ZBTB20: variants seen among roughly 807,000 people sequenced by gnomAD.
ZBTB20 encodes the protein zinc finger and BTB domain-containing protein 20.
Under a neutral mutation model 56.9 loss-of-function variants are expected in ZBTB20, and 9 were observed. The ratio of observed to expected loss-of-function variants is 0.16; its 90% CI spans 0.10 to 0.28. The LOEUF (loss-of-function observed/expected upper bound fraction) is 0.28. Among genes scored for constraint, ZBTB20 ranks in the 10% least tolerant of loss-of-function variants. The pLI is 1.00. For missense variants in ZBTB20, 655 were observed against 1,003.0 expected, an observed-to-expected ratio of 0.65 and a Z score of 4.69; for synonymous variants, 417 against 420.7, an observed-to-expected ratio of 0.99 and a Z score of 0.11.
At chr3:115,079,114 T>C (rs2082702387) in intron 1 of ZBTB20, among the ~76,000 whole-genome samples, 2 of 152,198 alleles carry the variant, frequency 1.3e-5, no homozygotes, top group South Asian at 4.1e-4. Flanking sequence ...TAAACTTATT[T>C]ACAAGTTAGT....
intron 6 of ZBTB20, among the ~76,000 whole-genome samples, chr3:114,579,195 A>G (rs1213146895): frequency 6.6e-6 from 1 of 151,794 alleles, no homozygotes; most frequent in Non-Finnish European, 1.5e-5. Context: ...TACCAGATAA[A>G]ATCACAAAAT....
At chr3:114,366,309 C>T (rs2082391456) in intron 10 of ZBTB20, among the ~76,000 whole-genome samples, 1 of 151,962 alleles carries the variant, frequency 6.6e-6, no homozygotes, top group Admixed American at 6.6e-5. Flanking sequence ...TCTTAAATCT[C>T]TCTCTTTCCA....
At chr3:114,414,784 T>C (rs2088352458) in intron 7 of ZBTB20, among the ~76,000 whole-genome samples, 1 of 148,152 alleles carries the variant, frequency 6.7e-6, no homozygotes. Context: ...GTATATAAAA[T>C]ACTATATATT....
intron 4 of ZBTB20, among the ~76,000 whole-genome samples, chr3:114,892,310 G>C (rs2076844296): frequency 6.6e-6 from 1 of 152,158 alleles, no homozygotes; most frequent in African/African-American, 2.4e-5. Flanking sequence ...GTGCCAATAA[G>C]ACTGTGCTGG....
At chr3:114,611,287 T>C (rs917555969) in intron 6 of ZBTB20, among the ~76,000 whole-genome samples, 2 of 152,288 alleles carry the variant, frequency 1.3e-5, no homozygotes, top group African/African-American at 4.8e-5. Context: ...GAACCTAGAA[T>C]GAATGCTCCT....
At chr3:114,648,302 T>G (rs915690168) in intron 6 of ZBTB20, among the ~76,000 whole-genome samples, 6 of 151,942 alleles carry the variant, frequency 3.9e-5, no homozygotes, top group Admixed American at 2.0e-4. Flanking sequence ...ATTTGTGGAG[T>G]GCTTACTGTG....
rs1382038675 is a variant in ZBTB20 at position 114,580,640 on chromosome 3, A to C, written c.-294-80249T>G. On this transcript the variant is annotated intron_variant, in intron 6 of 11. Coordinates refer to ENST00000675478, the MANE Select transcript of ZBTB20 (RefSeq NM_001348800.3). ...ATTCAAAGTAGTAAGAGAGCTCAGC[A>C]AAGTTGCTGAATATATAACAATAAT... Among the ~76,000 whole-genome samples, 3 of 151,976 alleles carry C rather than the reference A, an allele frequency of 2.0e-5. No individual in the cohort carries two copies. In the East Asian group the frequency reaches 5.8e-4, roughly 29 times the overall value.
At chr3:114,983,635 GCTT>G (rs959521359) in intron 2 of ZBTB20, among the ~76,000 whole-genome samples, 1 of 151,946 alleles carries the variant, frequency 6.6e-6, no homozygotes, top group Non-Finnish European at 1.5e-5. Flanking sequence ...GATATGAAAG[GCTT>G]CATCCTTTCA....
In ZBTB20 at chr3:114,333,204, G is replaced by A. The variant is rs1460623059; in HGVS notation, c.*5801C>T. 6.6e-6 allele frequency: 1 copy of A among 152,172 alleles called. No homozygotes were observed. The highest frequency in any genetic ancestry group is 3.2e-3 in the Middle Eastern group (1 of 316). 9.4% of individuals were successfully genotyped at this position (152,172 alleles called of 1,614,324 possible). A position where few individuals can be genotyped will look rare whatever the true frequency, so the allele number is the denominator to read the frequency against. ...CACATTCTGAATTTATAGGAACACT[G>A]AGTCACCACAGCCTTTTTTCTTGTA... is the stretch of plus-strand genomic sequence containing the variant. On this transcript the variant is annotated 3_prime_UTR_variant, in exon 12 of 12. Coordinates refer to ENST00000675478, the MANE Select transcript of ZBTB20 (RefSeq NM_001348800.3).
intron 2 of ZBTB20, among the ~76,000 whole-genome samples, chr3:114,998,615 G>A (rs1342244446): frequency 6.6e-6 from 1 of 151,666 alleles, no homozygotes; most frequent in Non-Finnish European, 1.5e-5. Context: ...GCAGCAGAGT[G>A]GATAATTTCA....
chr3:114,323,806 G>A lies in ZBTB20; in HGVS notation c.*15199C>T, dbSNP rs763441244. ...GATTCCACAGATTCTCGCCAACCCT[G>A]CTAAGATCAAGCATGATGAAAATAA... On this transcript the variant is annotated 3_prime_UTR_variant, in exon 12 of 12. Coordinates refer to ENST00000675478, the MANE Select transcript of ZBTB20 (RefSeq NM_001348800.3). 8 of 152,176 alleles carry A rather than the reference G, an allele frequency of 5.3e-5. No individual in the cohort carries two copies. Among genetic ancestry groups the A allele is most frequent in the Non-Finnish European group, 8.8e-5 (6 of 68,034 alleles). 9.4% of individuals were successfully genotyped at this position (152,176 alleles called of 1,614,324 possible). A position where few individuals can be genotyped will look rare whatever the true frequency, so the allele number is the denominator to read the frequency against.
rs773812481 is a variant in ZBTB20, at chr3:114,572,605, GAAA to G, written c.-294-72217_-294-72215del. Among the ~76,000 whole-genome samples the G allele has an allele frequency of 2.5e-4, 38 of 152,194 alleles. 1 individual carries two copies. The highest frequency in any genetic ancestry group is 1.9e-3 in the Admixed American group (29 of 15,282). ...GAGTAGTTCATTCTCCTGGCAGAAG[GAAA>G]AGAGGGTGAGGTCTGTAAAGTTTTA... On this transcript the variant is annotated intron_variant, in intron 6 of 11. Coordinates refer to ENST00000675478, the MANE Select transcript of ZBTB20 (RefSeq NM_001348800.3).
At chr3:114,715,658 T>C (rs755721230) in intron 5 of ZBTB20, among the ~76,000 whole-genome samples, 1 of 152,172 alleles carries the variant, frequency 6.6e-6, no homozygotes, top group Non-Finnish European at 1.5e-5. Context: ...TAATGAGAAT[T>C]ATGAGGTTAC....
intron 2 of ZBTB20, among the ~76,000 whole-genome samples, chr3:115,013,969 A>G (rs994887660): frequency 6.6e-6 from 1 of 151,538 alleles, no homozygotes; most frequent in Non-Finnish European, 1.5e-5. Context: ...TATTGAAGAT[A>G]TATCTGCACT....
At chr3:115,130,889 G>A (rs1406254407) in intron 1 of ZBTB20, among the ~76,000 whole-genome samples, 1 of 152,082 alleles carries the variant, frequency 6.6e-6, no homozygotes, top group Non-Finnish European at 1.5e-5. Context: ...AGCCTCCCAA[G>A]TAGCTGGGAT....
chr3:114,768,627 T>C (rs2108731860), intron 5 of ZBTB20, among the ~76,000 whole-genome samples: 1 of 152,318 alleles, frequency 6.6e-6, no homozygotes, highest in African/African-American at 2.4e-5. Context: ...ACTGTACTAA[T>C]GGGAATTGTT....
At chr3:114,963,602 T>C (rs1211861137) in intron 3 of ZBTB20, among the ~76,000 whole-genome samples, 2 of 152,214 alleles carry the variant, frequency 1.3e-5, no homozygotes, top group African/African-American at 2.4e-5. Context: ...TCTATACATA[T>C]TAAAAAATGT....
chr3:115,063,338 A>G (rs941338295), intron 2 of ZBTB20, among the ~76,000 whole-genome samples: 9 of 152,204 alleles, frequency 5.9e-5, no homozygotes, highest in African/African-American at 1.9e-4. Flanking sequence ...GAAGTCTGAG[A>G]TTAGAATGCC....
intron 3 of ZBTB20, among the ~76,000 whole-genome samples, chr3:114,944,153 A>AT (rs2076811734): frequency 4.1e-5 from 6 of 145,782 alleles, no homozygotes; most frequent in Admixed American, 2.7e-4. Context: ...AAATAACCTG[A>AT]TTAAAAAATG....
Sources: allele counts gnomAD v4.1 joint callset (sites outside exome capture counted in the v4.1 genomes callset), GRCh38; gene constraint gnomAD v4.1.1; transcripts MANE v1.5; gene names NCBI Gene and HGNC (gene_info 2026-07-23, HGNC 2026-07-21).